Variants in TRAIP observed in about 807,000 individuals in gnomAD.
TRAIP encodes the protein E3 ubiquitin-protein ligase TRAIP.
In TRAIP, 37 loss-of-function variants were observed where a neutral mutation model predicts 65.0. The observed-to-expected ratio is 0.57, with a 90% confidence interval of 0.44 to 0.75. The LOEUF (loss-of-function observed/expected upper bound fraction) is 0.75. Ranked by LOEUF, TRAIP falls within the 30% of genes least tolerant of loss-of-function variation. The pLI, the probability that TRAIP is intolerant of heterozygous loss-of-function variation, is 0.00. For synonymous variants in TRAIP, 187 were observed against 219.1 expected, an observed-to-expected ratio of 0.85 and a Z score of 1.29; for missense variants, 481 against 579.4, an observed-to-expected ratio of 0.83 and a Z score of 1.74.
At position 49,831,941 on chromosome 3, in the gene TRAIP, C is replaced by A; in HGVS notation, c.1012G>T (p.Glu338Ter). The A allele has an allele frequency of 6.3e-7, 1 of 1,592,406 alleles. No individual in the cohort carries two copies. Among genetic ancestry groups the A allele is most frequent in the South Asian group, 1.1e-5 (1 of 88,018 alleles). Residue 338 changes from glutamate to a stop codon, truncating the protein, a stop_gained, in exon 11 of 15, where the codon GAA becomes TAA. Coordinates refer to ENST00000331456, the MANE Select transcript of TRAIP (RefSeq NM_005879.3). LOFTEE classifies it high-confidence loss of function. ...TGTGACTTCTCTAGGCAAAGTTTTTCGTAGTAACCATGCTGGGAGCTGGAG... is the reference window on the plus strand; with the variant it reads ...TGTGACTTCTCTAGGCAAAGTTTTTAGTAGTAACCATGCTGGGAGCTGGAG... The part of the protein sequence containing the change: ...RPSSSQHGYY[E>*]KLCLEKSHSP...
At chr3:49,838,826 C>T (rs2081810546) in intron 10 of TRAIP, among the ~76,000 whole-genome samples, 1 of 150,544 alleles carries the variant, frequency 6.6e-6, no homozygotes, top group South Asian at 2.1e-4. Context: ...GCGGAGGTTG[C>T]AGTGAGCCGA....
At position 49,832,169 on chromosome 3, in the gene TRAIP, C is replaced by T. The variant is rs1473692606; in HGVS notation, c.885-101G>A. 14 of 1,323,388 alleles carry T rather than the reference C, an allele frequency of 1.1e-5. No individual in the cohort carries two copies. In the Admixed American group the frequency reaches 3.9e-4, roughly 37 times the overall value. The allele number at this position is 1,323,388 out of a possible 1,614,324, so 82.0% of individuals were successfully genotyped here. On this transcript the variant is annotated intron_variant, in intron 10 of 14. Transcript: ENST00000331456. ...AACTCAGCTCCAGGGACCTGGAGCC[C>T]ACTCCTGACTCAAGGCCACCCCTCA...
At chr3:49,829,355 A>G (rs971498972) in intron 14 of TRAIP, 103 bp downstream of exon 14, 21 of 1,610,472 alleles carry the variant, frequency 1.3e-5, no homozygotes, top group Non-Finnish European at 9.3e-6. Flanking sequence ...GAGGCCCAGC[A>G]CTGCACACCT....
chr3:49,840,394 T>C (rs1351916629), intron 8 of TRAIP, 21 bp from the exon 9 acceptor site: 1 of 1,608,636 alleles, frequency 6.2e-7, no homozygotes. Flanking sequence ...GTGTAGGGAA[T>C]GAAAGACAAG....
At position 49,839,801 on chromosome 3, in the gene TRAIP, A is replaced by G; in HGVS notation, c.855T>C (p.Ser285=). The G allele has an allele frequency of 1.9e-6, 3 of 1,614,248 alleles. No individual in the cohort carries two copies. Among genetic ancestry groups the G allele is most frequent in the Non-Finnish European group, 1.7e-6 (2 of 1,180,034 alleles). The change falls in exon 10 of 15, where the codon AGT becomes AGC. Residue 285 remains serine (S), a synonymous_variant. Transcript: ENST00000331456. ...CTAAAACCAGGCGGTCGACAGTCTC[A>G]CTGGCCACTGGTGGCAGGTTCAAGG... ...QETLNLPPVA[S]ETVDRLVLES...
At position 49,840,604 on chromosome 3, in the gene TRAIP, T is replaced by A. The variant is rs558015438; in HGVS notation, c.706-231A>T. 265 of 570,518 alleles carry A rather than the reference T, an allele frequency of 4.6e-4. 1 individual carries two copies. Among genetic ancestry groups the A allele is most frequent in the African/African-American group, 4.2e-3 (223 of 53,470 alleles). 35.3% of individuals were successfully genotyped at this position (570,518 alleles called of 1,614,324 possible). On this transcript the variant is annotated intron_variant, in intron 8 of 14. Transcript: ENST00000331456. The stretch of plus-strand genomic sequence containing the variant: ...GCCTGTGGATGCACCATGCCAGAAG[T>A]AAAAGCAGCTGTGCTGACCGAATCA...
At chr3:49,834,167 T>C (rs560186820) in intron 10 of TRAIP, among the ~76,000 whole-genome samples, 1 of 152,310 alleles carries the variant, frequency 6.6e-6, no homozygotes, top group South Asian at 2.1e-4. Flanking sequence ...AGGAAAGGTC[T>C]CCCTGGCTGT....
At position 49,856,533 on chromosome 3, in the gene TRAIP, C is replaced by G. The variant is rs546901221; in HGVS notation, c.-80G>C. 4 of 1,356,416 alleles carry G rather than the reference C, an allele frequency of 2.9e-6. No homozygotes were observed. The African/African-American group carries it at 5.8e-5, about 20-fold the overall frequency. The allele number at this position is 1,356,416 out of a possible 1,614,324, so 84.0% of individuals were successfully genotyped here. On this transcript the variant is annotated 5_prime_UTR_variant, in exon 1 of 15. Coordinates refer to ENST00000331456, the MANE Select transcript of TRAIP (RefSeq NM_005879.3). Reference sequence around the variant, plus strand: ...TCGTAGACGCGCCCCCGCGCCTCCGCTTGCTTCAAATTTGGCTCCGCAGCA... The same window carrying G: ...TCGTAGACGCGCCCCCGCGCCTCCGGTTGCTTCAAATTTGGCTCCGCAGCA...
In TRAIP at chr3:49,847,429, G is replaced by A. The variant is rs1021307468; in HGVS notation, c.240+96C>T. On this transcript the variant is annotated intron_variant, in intron 3 of 14. Coordinates refer to ENST00000331456, the MANE Select transcript of TRAIP (RefSeq NM_005879.3). ...AGAAAAGAAAAGAGAAAAGAGAAGA[G>A]AAGAGAAGAGAAGAGAAAAAAGAAA... 1.3e-5 allele frequency: 10 copies of A among 778,714 alleles called. No individual in the cohort carries two copies. The Admixed American group carries it at 2.4e-4, about 19-fold the overall frequency. 48.2% of individuals were successfully genotyped at this position (778,714 alleles called of 1,614,324 possible). A position where few individuals can be genotyped will look rare whatever the true frequency, so the allele number is the denominator to read the frequency against.
Position 49,830,029 on chromosome 3 carries a change from G to C in TRAIP, c.1077C>G (p.Gly359=). Residue 359 remains glycine, a synonymous_variant, in exon 12 of 15, where the codon GGC becomes GGG. Coordinates refer to ENST00000331456, the MANE Select transcript of TRAIP (RefSeq NM_005879.3). The part of the protein sequence containing the change: ...IQDVPKKICK[G]PRKESQLSLG... ...TCTAGAAAGCTCTTACCTTCCTGGG[G>C]CCTTTGCATATCTTCTTGGGGACAT... 1.2e-6 allele frequency: 2 copies of C among 1,614,184 alleles called. No homozygotes were observed. The highest frequency in any genetic ancestry group is 1.7e-6 in the Non-Finnish European group (2 of 1,180,026).
intron 1 of TRAIP, among the ~76,000 whole-genome samples, chr3:49,849,898 G>A (rs1451370252): frequency 1.4e-5 from 2 of 139,398 alleles, no homozygotes; most frequent in Non-Finnish European, 1.5e-5. Flanking sequence ...CCAGGCTGGA[G>A]CGCAGTGGTG....
At chr3:49,832,139 G>C (rs1452989688) in intron 10 of TRAIP, 71 bp from the exon 11 acceptor site, 2 of 1,450,400 alleles carry the variant, frequency 1.4e-6, no homozygotes, top group East Asian at 2.6e-5. Flanking sequence ...TGAAGCATCA[G>C]AGATAACTCA....
At chr3:49,854,148 G>A (rs984904338) in intron 1 of TRAIP, among the ~76,000 whole-genome samples, 5 of 152,008 alleles carry the variant, frequency 3.3e-5, no homozygotes, top group Non-Finnish European at 7.4e-5. Context: ...GCAGCATGGC[G>A]AAATCCTGTC....
intron 1 of TRAIP, among the ~76,000 whole-genome samples, chr3:49,851,319 A>G (rs773220991): frequency 2.0e-5 from 3 of 152,166 alleles, no homozygotes; most frequent in Non-Finnish European, 4.4e-5. Flanking sequence ...GATATGTTCA[A>G]TTTGTAAACA....
intron 1 of TRAIP, among the ~76,000 whole-genome samples, chr3:49,853,795 C>G (rs1310429659): frequency 6.6e-6 from 1 of 151,590 alleles, no homozygotes; most frequent in African/African-American, 2.4e-5. Context: ...TGCAGTGAGC[C>G]AAGATTGCGC....
chr3:49,830,085 G>A lies in TRAIP; in HGVS notation c.1038-17C>T, dbSNP rs1428731375. ...ATTGGGGAGCTACAAGAATGAGAGAGAAGGCAAGGGGTAGGTAAGCAAGAC... is the reference window on the plus strand; with the variant it reads ...ATTGGGGAGCTACAAGAATGAGAGAAAAGGCAAGGGGTAGGTAAGCAAGAC... On this transcript the variant is annotated splice_polypyrimidine_tract_variant and intron_variant, in intron 11 of 14. Transcript: ENST00000331456. 5.0e-6 allele frequency: 8 copies of A among 1,613,992 alleles called. No individual in the cohort carries two copies. Among genetic ancestry groups the A allele is most frequent in the African/African-American group, 1.3e-5 (1 of 74,924 alleles).
At chr3:49,848,060 G>T in intron 2 of TRAIP, 83 bp downstream of exon 2, 1 of 1,497,632 alleles carries the variant, frequency 6.7e-7, no homozygotes, top group East Asian at 2.3e-5. Flanking sequence ...CAGAGATATT[G>T]CAGTTTCAGA....
rs183146770 is a variant in TRAIP, at chr3:49,834,985, T to C, written c.885-2917A>G. 3.6e-3 allele frequency among the ~76,000 whole-genome samples: 556 copies of C among 152,342 alleles called. 3 individuals carry two copies. The highest frequency in any genetic ancestry group is 0.013 in the African/African-American group (541 of 41,578). On this transcript the variant is annotated intron_variant, in intron 10 of 14. Transcript: ENST00000331456. ...GGGAGGCTGAGGTGGGAGGATGGCTTGAGGCCAGGAGTTCAATACTGACCT... is the reference window on the plus strand; with the variant it reads ...GGGAGGCTGAGGTGGGAGGATGGCTCGAGGCCAGGAGTTCAATACTGACCT...
intron 11 of TRAIP, 27 bp from the exon 12 acceptor site, chr3:49,830,095 G>C: frequency 6.2e-7 from 1 of 1,613,732 alleles, no homozygotes; most frequent in Non-Finnish European, 8.5e-7. Context: ...GAAGGCAAGG[G>C]GTAGGTAAGC....
Sources: allele counts gnomAD v4.1 joint callset (sites outside exome capture counted in the v4.1 genomes callset), GRCh38; gene constraint gnomAD v4.1.1; transcripts MANE v1.5; gene names NCBI Gene and HGNC (gene_info 2026-07-23, HGNC 2026-07-21).